BRD1: variants seen among roughly 807,000 people sequenced by gnomAD.
BRD1 encodes bromodomain-containing protein 1.
In BRD1, 24 loss-of-function variants were observed where a neutral mutation model predicts 107.7. The ratio of observed to expected loss-of-function variants is 0.22; its 90% CI spans 0.16 to 0.31. The LOEUF (loss-of-function observed/expected upper bound fraction) is 0.31, where lower values mean the gene tolerates loss of function less well. Among genes scored for constraint, BRD1 ranks in the 10% least tolerant of loss-of-function variants. The pLI, the probability that BRD1 is intolerant of heterozygous loss-of-function variation, is 1.00. For missense variants in BRD1, 1,279 were observed against 1,638.6 expected, an observed-to-expected ratio of 0.78 and a Z score of 3.79; for synonymous variants, 744 against 686.1, an observed-to-expected ratio of 1.08 and a Z score of -1.32.
chr22:49,820,108 C>G (rs1362948953), intron 2 of BRD1, among the ~76,000 whole-genome samples: 13 of 151,424 alleles, frequency 8.6e-5, no homozygotes, highest in Non-Finnish European at 1.5e-4. Flanking sequence ...GCAGCCTGGG[C>G]AACAAAGCAA....
intron 7 of BRD1, among the ~76,000 whole-genome samples, chr22:49,791,044 CCAT>C (rs1455122473): frequency 1.3e-5 from 2 of 152,398 alleles, no homozygotes; most frequent in East Asian, 3.9e-4. Flanking sequence ...ACCTGCCTCA[CCAT>C]GTCAGCAGAC....
intron 1 of BRD1, chr22:49,825,757 C>T (rs948732258): frequency 6.6e-6 from 1 of 152,246 alleles, no homozygotes; most frequent in Non-Finnish European, 1.5e-5. Context: ...GAGAAAAAGC[C>T]CTCAGGGAGC....
At chr22:49,791,454 G>A (rs2059432568) in intron 7 of BRD1, among the ~76,000 whole-genome samples, 1 of 152,210 alleles carries the variant, frequency 6.6e-6, no homozygotes, top group Non-Finnish European at 1.5e-5. Flanking sequence ...GTGAGACTGT[G>A]TATTTGCCAT....
chr22:49,810,156 G>A (rs918916313), intron 2 of BRD1, among the ~76,000 whole-genome samples: 3 of 152,174 alleles, frequency 2.0e-5, no homozygotes, highest in East Asian at 1.9e-4. Context: ...GAAAGAAAGC[G>A]AGCGAGCAAG....
rs912048417 is a variant in BRD1, at chr22:49,783,581, T to C, written c.2857+3809A>G. On this transcript the variant is annotated intron_variant, in intron 8 of 12. Coordinates refer to ENST00000404760, the MANE Select transcript of BRD1 (RefSeq NM_001304808.3). This position sits in a 1 kb window ranked among gnomAD's most constrained non-coding sequence, Gnocchi z 4.2. ...AGGACAGCCTCAGAATGCTGTCCAC[T>C]GTGTCGTCAGCTGCAGCAGGCTCCC... 6.6e-6 allele frequency among the ~76,000 whole-genome samples: 1 copy of C among 152,210 alleles called. No individual in the cohort carries two copies. Among genetic ancestry groups the C allele is most frequent in the African/African-American group, 2.4e-5 (1 of 41,448 alleles).
In BRD1 at chr22:49,774,006, GGGACGTGCGACAGACGCACTGGGCTGCCC is replaced by G; in HGVS notation, c.*198_*226del. Reference sequence around the variant, plus strand: ...AAAGTGACGCCAGCAGCACGGCCTGGGGACGTGCGACAGACGCACTGGGCTGCCCGGACGTGCCCACCCCACTCACAGCG... The same window carrying G: ...AAAGTGACGCCAGCAGCACGGCCTGGGGACGTGCCCACCCCACTCACAGCG... On this transcript the variant is annotated 3_prime_UTR_variant, in exon 13 of 13. Coordinates refer to ENST00000404760, the MANE Select transcript of BRD1 (RefSeq NM_001304808.3). The G allele has an allele frequency of 2.1e-6, 1 of 465,910 alleles. No homozygotes were observed. Among genetic ancestry groups the G allele is most frequent in the Non-Finnish European group, 3.8e-6 (1 of 266,402 alleles). 28.9% of individuals were successfully genotyped at this position (465,910 alleles called of 1,614,324 possible).
At chr22:49,810,083 G>C (rs2059821305) in intron 2 of BRD1, among the ~76,000 whole-genome samples, 1 of 152,122 alleles carries the variant, frequency 6.6e-6, no homozygotes, top group Middle Eastern at 3.2e-3. Flanking sequence ...TTTGCCCACA[G>C]CACAAGCAAT....
Position 49,789,499 on chromosome 22 carries a change from C to G in BRD1, c.2360-1612G>C, listed in dbSNP as rs78233358. On this transcript the variant is annotated intron_variant, in intron 7 of 12. Coordinates refer to ENST00000404760, the MANE Select transcript of BRD1 (RefSeq NM_001304808.3). ...CTTCCACCTCCTAGCCTCCCCCCCC[C>G]GCCCCGAGCTCTCGCCCTGATTACG... is the stretch of plus-strand genomic sequence containing the variant. 1.7e-3 allele frequency among the ~76,000 whole-genome samples: 256 copies of G among 150,938 alleles called. 1 individual carries two copies. The highest frequency in any genetic ancestry group is 5.3e-3 in the African/African-American group (217 of 40,938).
chr22:49,797,048 C>T (rs78871170), intron 6 of BRD1, among the ~76,000 whole-genome samples: 4,310 of 152,350 alleles, frequency 0.028, 224 homozygotes, highest in African/African-American at 0.099. Context: ...GGTGCTGGAG[C>T]TCTATGTGCT....
At position 49,773,399 on chromosome 22, in the gene BRD1, A is replaced by G. The variant is rs1474746788; in HGVS notation, c.*834T>C. The G allele has an allele frequency of 1.3e-5, 2 of 152,676 alleles. No homozygotes were observed. Among genetic ancestry groups the G allele is most frequent in the East Asian group, 1.9e-4 (1 of 5,192 alleles). 9.5% of individuals were successfully genotyped at this position (152,676 alleles called of 1,614,324 possible). A position where few individuals can be genotyped will look rare whatever the true frequency, so the allele number is the denominator to read the frequency against. On this transcript the variant is annotated 3_prime_UTR_variant, in exon 13 of 13. Transcript: ENST00000404760. ...AAAATAAAGTACTAATTCTATATAC[A>G]TCACAGGTACCATACAAAAATGTAT... is the stretch of plus-strand genomic sequence containing the variant.
chr22:49,775,859 C>A (rs866973197), intron 11 of BRD1, 114 bp from the exon 12 acceptor site: 28,280 of 1,144,250 alleles, frequency 0.025, 707 homozygotes, highest in Non-Finnish European at 0.029. Context: ...CCTCCTCAGA[C>A]CACCCCCACG....
chr22:49,774,015 G>A lies in BRD1; in HGVS notation c.*218C>T, dbSNP rs1454607501. 8.1e-6 allele frequency: 4 copies of A among 491,444 alleles called. No individual in the cohort carries two copies. Among genetic ancestry groups the A allele is most frequent in the South Asian group, 4.0e-5 (1 of 24,692 alleles). The allele number at this position is 491,444 out of a possible 1,614,324, so 30.4% of individuals were successfully genotyped here. On this transcript the variant is annotated 3_prime_UTR_variant, in exon 13 of 13. Coordinates refer to ENST00000404760, the MANE Select transcript of BRD1 (RefSeq NM_001304808.3). ...CCAGCAGCACGGCCTGGGGACGTGC[G>A]ACAGACGCACTGGGCTGCCCGGACG... is the stretch of plus-strand genomic sequence containing the variant.
At position 49,797,448 on chromosome 22, in the gene BRD1, C is replaced by G. The variant is rs114409896; in HGVS notation, c.2098+357G>C. ...CACCCCATAGGGAGCCACAGCCACA[C>G]AGTCCTCTTGGTGGGCACCCAAAAC... is the stretch of plus-strand genomic sequence containing the variant. On this transcript the variant is annotated intron_variant, in intron 6 of 12. Transcript: ENST00000404760. 5.7e-3 allele frequency among the ~76,000 whole-genome samples: 862 copies of G among 152,316 alleles called. 7 individuals carry two copies. The highest frequency in any genetic ancestry group is 0.02 in the African/African-American group (826 of 41,564).
intron 7 of BRD1, among the ~76,000 whole-genome samples, chr22:49,790,423 G>A (rs562872996): frequency 6.6e-6 from 1 of 152,272 alleles, no homozygotes; most frequent in South Asian, 2.1e-4. Flanking sequence ...GAACATGCTC[G>A]ATACAACTCG....
At position 49,823,575 on chromosome 22, in the gene BRD1, AC is replaced by A; in HGVS notation, c.742del (p.Val248CysfsTer68). On this transcript the variant is annotated frameshift_variant, in exon 2 of 13. Coordinates refer to ENST00000404760, the MANE Select transcript of BRD1 (RefSeq NM_001304808.3). LOFTEE classifies it high-confidence loss of function. The stretch of plus-strand genomic sequence containing the variant: ...CCACTGGCCCTCGGGGATGTAGGGC[AC>A]CCCGTAGCACTCCTGGTGCACGGCC... Reference protein sequence around the residue: ...NLAVHQECYGVPYIPEGQWLC... With the variant: ...NLAVHQECYGXPYIPEGQWLC... 1 of 1,603,718 alleles carries A rather than the reference AC, an allele frequency of 6.2e-7. No individual in the cohort carries two copies.
chr22:49,798,412 T>C, intron 5 of BRD1, 146 bp downstream of exon 5: 1 of 1,385,812 alleles, frequency 7.2e-7, no homozygotes, highest in Non-Finnish European at 9.9e-7. Context: ...ATCACTTTTA[T>C]AATTTAAAAA....
chr22:49,776,914 G>C, intron 10 of BRD1, 120 bp downstream of exon 10: 1 of 1,446,828 alleles, frequency 6.9e-7, no homozygotes, highest in Non-Finnish European at 9.4e-7. Flanking sequence ...AGGTTGGCCA[G>C]GGTGGGGCTC....
chr22:49,812,070 G>C (rs1601714130), intron 2 of BRD1, among the ~76,000 whole-genome samples: 1 of 149,352 alleles, frequency 6.7e-6, no homozygotes, highest in East Asian at 1.9e-4. Context: ...AAAGAACATG[G>C]ATAAAATCCT....
At chr22:49,805,741 C>CT (rs765174509) in intron 2 of BRD1, 2,229 of 134,360 alleles carry the variant, frequency 0.017, 63 homozygotes, top group African/African-American at 0.052. Context: ...TTCAGTGAGT[C>CT]TTTTTTTTTT....
Sources: gnomAD v4.1 joint callset for allele counts (sites outside exome capture counted in the v4.1 genomes callset) on GRCh38, gnomAD v4.1.1 for gene constraint, Gnocchi (gnomAD v3.1) non-coding constraint, MANE v1.5 for transcripts, NCBI Gene and HGNC (gene_info 2026-07-23, HGNC 2026-07-21) for gene names.